Variants in ATP2C1 observed in about 807,000 individuals in gnomAD.
ATP2C1 encodes calcium-transporting ATPase type 2C member 1.
A neutral mutation model predicts 120.5 loss-of-function variants in ATP2C1; 31 were observed. The observed-to-expected ratio is 0.26, with a 90% CI of 0.19 to 0.35. The LOEUF is 0.35. Among genes scored for constraint, ATP2C1 ranks in the 10% least tolerant of loss-of-function variants. ATP2C1 has a pLI of 1.00. For synonymous variants in ATP2C1, 351 were observed against 358.7 expected (o/e 0.98, Z 0.24); for missense variants, 731 against 1,107.5 (o/e 0.66, Z 4.83).
At chr3:130,908,959 G>A (rs1245595087) in intron 2 of ATP2C1, among the ~76,000 whole-genome samples, 1 of 152,120 alleles carries the variant, frequency 6.6e-6, no homozygotes, top group African/African-American at 2.4e-5. Context: ...TATCTTTTAA[G>A]AGTTGTGATT....
chr3:130,894,469 T>G lies in ATP2C1; in HGVS notation c.-180-121T>G. ...CCCCGCTGGCGTGAGCTGGGGACGTTGCGGGCACACGACGGGGCGGGTGCG... is the reference window on the plus strand; with the variant it reads ...CCCCGCTGGCGTGAGCTGGGGACGTGGCGGGCACACGACGGGGCGGGTGCG... On this transcript the variant is annotated intron_variant, in intron 1 of 27. Coordinates refer to ENST00000510168, the MANE Select transcript of ATP2C1 (RefSeq NM_001378687.1). This position sits in a 1 kb window ranked among gnomAD's most constrained non-coding sequence, Gnocchi z 4.5. 2.2e-6 allele frequency: 3 copies of G among 1,341,994 alleles called. No homozygotes were observed. Among genetic ancestry groups the G allele is most frequent in the Non-Finnish European group, 1.9e-6 (2 of 1,042,842 alleles). The allele number at this position is 1,341,994 out of a possible 1,614,324, so 83.1% of individuals were successfully genotyped here. A position where few individuals can be genotyped will look rare whatever the true frequency, so the allele number is the denominator to read the frequency against.
chr3:130,993,122 GTTT>G, intron 21 of ATP2C1, 121 bp downstream of exon 21: 1 of 622,058 alleles, frequency 1.6e-6, no homozygotes, highest in Non-Finnish European at 2.7e-6. Flanking sequence ...AAGCAAAACA[GTTT>G]TTTTTTTTTG....
intron 2 of ATP2C1, among the ~76,000 whole-genome samples, chr3:130,927,486 C>T (rs2059267543): frequency 6.6e-6 from 1 of 152,106 alleles, no homozygotes; most frequent in Non-Finnish European, 1.5e-5. Context: ...TGTGAACCGC[C>T]CGCTTCAGCC....
chr3:131,015,812 G>A (rs533532792), intron 26 of ATP2C1, among the ~76,000 whole-genome samples: 55 of 152,182 alleles, frequency 3.6e-4, no homozygotes, highest in African/African-American at 1.3e-3. Flanking sequence ...TCTACAAAGT[G>A]ACATTTAAAG....
rs1001122943 is a variant in ATP2C1, at chr3:130,915,839, A to C, written c.7-14577A>C. ...AGACCTCTTCTACATATGCCACTTCAGTAGTGTGGTTTTAGATTTTATATT... is the reference window on the plus strand; with the variant it reads ...AGACCTCTTCTACATATGCCACTTCCGTAGTGTGGTTTTAGATTTTATATT... On this transcript the variant is annotated intron_variant, in intron 2 of 27. Coordinates refer to ENST00000510168, the MANE Select transcript of ATP2C1 (RefSeq NM_001378687.1). Among the ~76,000 whole-genome samples the C allele has an allele frequency of 2.6e-5, 4 of 152,220 alleles. No individual in the cohort carries two copies. In the South Asian group the frequency reaches 8.3e-4, roughly 32 times the overall value.
rs1161765723 is a variant in ATP2C1 at position 131,001,292 on chromosome 3, G to A, written c.2702G>A (p.Ser901Asn). ...VAEIIKKVERSREKIQKHVSS... is the reference protein window; with the variant it reads ...VAEIIKKVERNREKIQKHVSS... ...GAAATTATAAAGAAGGTTGAAAGGA[G>A]CAGGGAAAAGATCCAGAAGCATGTT... is the stretch of plus-strand genomic sequence containing the variant. Residue 901 changes from serine to asparagine, a missense_variant, in exon 28 of 28, where the codon AGC (serine) becomes AAC (asparagine). Coordinates refer to ENST00000510168, the MANE Select transcript of ATP2C1 (RefSeq NM_001378687.1). The A allele has an allele frequency of 1.2e-6, 2 of 1,613,774 alleles. No individual in the cohort carries two copies. Among genetic ancestry groups the A allele is most frequent in the Admixed American group, 1.7e-5 (1 of 60,006 alleles).
At chr3:130,856,014 G>A (rs1030636700) in intron 1 of ATP2C1, 7 of 152,158 alleles carry the variant, frequency 4.6e-5, no homozygotes, top group Non-Finnish European at 1.0e-4. Context: ...ACCATTCAAG[G>A]GCTGATCTGA....
chr3:130,877,482 AT>A (rs1193392941), intron 1 of ATP2C1, among the ~76,000 whole-genome samples: 1 of 152,256 alleles, frequency 6.6e-6, no homozygotes, highest in African/African-American at 2.4e-5. Context: ...GGCAAAGGAT[AT>A]GAACAGACAC....
chr3:130,999,616 T>C lies in ATP2C1; in HGVS notation c.2586T>C (p.Pro862=). 1.9e-6 allele frequency: 3 copies of C among 1,613,576 alleles called. No homozygotes were observed. Among genetic ancestry groups the C allele is most frequent in the Non-Finnish European group, 2.5e-6 (3 of 1,179,642 alleles). ...IMGQLLVIYF[P]PLQKVFQTES... Reference sequence around the variant, plus strand: ...GACAATTACTAGTTATTTACTTTCCTCCGCTTCAGAAGGTTTTTCAGACTG... The same window carrying C: ...GACAATTACTAGTTATTTACTTTCCCCCGCTTCAGAAGGTTTTTCAGACTG... Residue 862 remains proline (P), a synonymous_variant, in exon 27 of 28, where the codon CCT becomes CCC. Transcript: ENST00000510168.
intron 20 of ATP2C1, among the ~76,000 whole-genome samples, chr3:130,986,460 T>C (rs2062017081): frequency 6.6e-6 from 1 of 152,164 alleles, no homozygotes; most frequent in South Asian, 2.1e-4. Flanking sequence ...CAACCAAAGA[T>C]AGTTAGGGAA....
chr3:130,884,937 T>C (rs1168653580), intron 1 of ATP2C1, among the ~76,000 whole-genome samples: 1 of 148,656 alleles, frequency 6.7e-6, no homozygotes, highest in African/African-American at 2.5e-5. Flanking sequence ...TTTCTTTTTT[T>C]TTTTTTTTTT....
chr3:130,915,109 C>G (rs376014031), intron 2 of ATP2C1, among the ~76,000 whole-genome samples: 9 of 151,244 alleles, frequency 6.0e-5, no homozygotes, highest in Admixed American at 3.3e-4. Flanking sequence ...TTTTCCCCCC[C>G]TTGAGACGAT....
At chr3:130,961,809 G>A (rs1429196901) in intron 12 of ATP2C1, among the ~76,000 whole-genome samples, 1 of 151,990 alleles carries the variant, frequency 6.6e-6, no homozygotes, top group Non-Finnish European at 1.5e-5. Context: ...ACAATTATTA[G>A]ACAAATCAGA....
chr3:130,893,927 C>T (rs2069327530), upstream of ATP2C1: 1 of 985,558 alleles, frequency 1.0e-6, no homozygotes. Flanking sequence ...ACTTCACTTC[C>T]GCCTTCCCAG....
At chr3:130,981,745 C>T (rs2061773910) in intron 20 of ATP2C1, among the ~76,000 whole-genome samples, 1 of 152,180 alleles carries the variant, frequency 6.6e-6, no homozygotes, top group African/African-American at 2.4e-5. Flanking sequence ...CCTCCTCCCC[C>T]ATTCTGATAA....
chr3:131,003,869 G>A (rs1394114852), downstream of ATP2C1, among the ~76,000 whole-genome samples: 1 of 152,118 alleles, frequency 6.6e-6, no homozygotes, highest in African/African-American at 2.4e-5. Context: ...GAAATGAATT[G>A]GAGGCAAACA....
At chr3:130,911,384 C>G (rs1469333290) in intron 2 of ATP2C1, among the ~76,000 whole-genome samples, 2 of 150,022 alleles carry the variant, frequency 1.3e-5, no homozygotes, top group Non-Finnish European at 3.0e-5. Context: ...TTTTGTTGAT[C>G]CTTTCAAAAA....
intron 18 of ATP2C1, among the ~76,000 whole-genome samples, chr3:130,977,399 G>A (rs1040201895): frequency 6.6e-6 from 1 of 152,060 alleles, no homozygotes; most frequent in Non-Finnish European, 1.5e-5. Context: ...CCAGTTTGTT[G>A]GCTTTGTTTC....
intron 2 of ATP2C1, among the ~76,000 whole-genome samples, chr3:130,907,402 A>G (rs2058184428): frequency 2.0e-5 from 3 of 152,068 alleles, no homozygotes; most frequent in South Asian, 4.1e-4. Context: ...TAAGAATTTT[A>G]TAGTTTAACT....
Sources: gnomAD v4.1 joint callset for allele counts (sites outside exome capture counted in the v4.1 genomes callset) on GRCh38, gnomAD v4.1.1 for gene constraint, Gnocchi (gnomAD v3.1) non-coding constraint, MANE v1.5 for transcripts, NCBI Gene and HGNC (gene_info 2026-07-23, HGNC 2026-07-21) for gene names.